Variants in PNPLA7 observed in about 807,000 individuals in gnomAD.
The protein encoded by PNPLA7 is patatin like domain 7, lysophospholipase.
PNPLA7 carries 153 observed loss-of-function variants against 161.7 expected under a neutral mutation model. The observed-to-expected ratio is 0.95, with a 90% CI of 0.83 to 1.08. The LOEUF (loss-of-function observed/expected upper bound fraction) is 1.08. Ranked by LOEUF, PNPLA7 falls within the 50% of genes least tolerant of loss-of-function variation. The pLI is 0.00. For missense variants in PNPLA7, 1,739 were observed against 1,856.6 expected (o/e 0.94, Z 1.16); for synonymous variants, 809 against 782.1 (o/e 1.03, Z -0.57).
intron 10 of PNPLA7, among the ~76,000 whole-genome samples, chr9:137,521,086 T>TGG (rs1834967190): frequency 6.7e-6 from 1 of 149,462 alleles, no homozygotes; most frequent in Admixed American, 6.6e-5. Context: ...GGGACGGGCA[T>TGG]GGGGAGGGGC....
At chr9:137,506,430 G>A (rs979236123) in intron 12 of PNPLA7, among the ~76,000 whole-genome samples, 1 of 152,204 alleles carries the variant, frequency 6.6e-6, no homozygotes, top group African/African-American at 2.4e-5. Context: ...ACACCCTGAC[G>A]GCTCGCTGCG....
chr9:137,481,427 C>G (rs183444185), intron 21 of PNPLA7, among the ~76,000 whole-genome samples: 41 of 152,338 alleles, frequency 2.7e-4, no homozygotes, highest in Non-Finnish European at 5.6e-4. Context: ...GTGCCAGACG[C>G]CAAGAGGCCA....
At chr9:137,474,084 C>T (rs1440286375) in intron 25 of PNPLA7, among the ~76,000 whole-genome samples, 1 of 152,022 alleles carries the variant, frequency 6.6e-6, no homozygotes, top group Admixed American at 6.6e-5. Context: ...ATTAAAAATA[C>T]AAAAATTAGC....
chr9:137,542,332 A>G (rs1836248953), intron 7 of PNPLA7, among the ~76,000 whole-genome samples: 1 of 152,086 alleles, frequency 6.6e-6, no homozygotes, highest in African/African-American at 2.4e-5. Context: ...TGAGCTGGGC[A>G]TGGTGACATA....
chr9:137,484,809 C>G, intron 20 of PNPLA7, 73 bp from the exon 21 acceptor site: 1 of 1,477,670 alleles, frequency 6.8e-7, no homozygotes. Flanking sequence ...CCCTGGGGCC[C>G]CCCGAGGCTG....
rs552731125 is a variant in PNPLA7 at position 137,536,168 on chromosome 9, A to G, written c.747+4474T>C. On this transcript the variant is annotated intron_variant, in intron 8 of 34. Coordinates refer to ENST00000406427, the MANE Select transcript of PNPLA7 (RefSeq NM_001098537.3). ...ACTCCATCACAAAAAAAAAAAAAAGAAAAGAAAAAGTACAACAAAAAGACA... is the reference window on the plus strand; with the variant it reads ...ACTCCATCACAAAAAAAAAAAAAAGGAAAGAAAAAGTACAACAAAAAGACA... Among the ~76,000 whole-genome samples the G allele has an allele frequency of 7.9e-5, 12 of 151,742 alleles. 1 individual carries two copies. The highest frequency in any genetic ancestry group is 2.4e-4 in the African/African-American group (10 of 41,392).
intron 8 of PNPLA7, among the ~76,000 whole-genome samples, chr9:137,530,432 C>T (rs532078411): frequency 5.9e-5 from 9 of 152,358 alleles, no homozygotes; most frequent in African/African-American, 2.2e-4. Context: ...TCTTCTGGTG[C>T]TTTTGGAGGA....
At chr9:137,484,563 G>A (rs1230852171) in intron 21 of PNPLA7, 24 bp downstream of exon 21, 4 of 1,564,190 alleles carry the variant, frequency 2.6e-6, no homozygotes, top group Middle Eastern at 1.7e-4. Context: ...AAGGATGGCT[G>A]GAGGCTGGGA....
chr9:137,479,882 A>G, intron 23 of PNPLA7: 4 of 985,450 alleles, frequency 4.1e-6, no homozygotes, highest in Non-Finnish European at 4.8e-6. Context: ...GAGGATGCAG[A>G]GGCAGAGGGT....
In PNPLA7 at chr9:137,541,321, G is replaced by T; in HGVS notation, c.667-599C>A. On this transcript the variant is annotated intron_variant, in intron 7 of 34. Coordinates refer to ENST00000406427, the MANE Select transcript of PNPLA7 (RefSeq NM_001098537.3). The surrounding 1 kb of genome is among the most constrained non-coding windows in gnomAD (Gnocchi z 4.4). ...CGAAAGCCGCTGCTTCACCAGCTGG[G>T]CGGCCTCATCCCCAGGAGCTACTGG... The T allele has an allele frequency of 1.6e-6, 1 of 615,654 alleles. No individual in the cohort carries two copies. The highest frequency in any genetic ancestry group is 2.0e-6 in the Non-Finnish European group (1 of 492,066). The allele number at this position is 615,654 out of a possible 1,614,324, so 38.1% of individuals were successfully genotyped here.
intron 20 of PNPLA7, 122 bp downstream of exon 20, chr9:137,492,891 G>C: frequency 1.2e-6 from 1 of 811,852 alleles, no homozygotes; most frequent in Non-Finnish European, 2.0e-6. Context: ...GGACTGGGTG[G>C]GCAGGGCTCC....
At chr9:137,477,186 C>G (rs1409178011) in intron 25 of PNPLA7, among the ~76,000 whole-genome samples, 3 of 152,236 alleles carry the variant, frequency 2.0e-5, no homozygotes. Context: ...AGCAGAGGGG[C>G]ACATGCCTGT....
intron 9 of PNPLA7, among the ~76,000 whole-genome samples, chr9:137,522,127 T>G (rs139090762): frequency 1.2e-4 from 19 of 152,302 alleles, no homozygotes; most frequent in Admixed American, 9.8e-4. Context: ...CAGGCTGGAG[T>G]GCAGTGGCAC....
Position 137,543,805 on chromosome 9 carries a change from AGT to A in PNPLA7, c.282_283del (p.Leu95ProfsTer56). 6.2e-7 allele frequency: 1 copy of A among 1,613,498 alleles called. No homozygotes were observed. The highest frequency in any genetic ancestry group is 8.5e-7 in the Non-Finnish European group (1 of 1,179,884). ...AGTGTTCTCCACAAGGGTGTTGGGG[AGT>A]GTGGTCACCTGCAGAGCCAAGGGAG... On this transcript the variant is annotated frameshift_variant, in exon 5 of 35. Transcript: ENST00000406427. LOFTEE classifies it high-confidence loss of function. This position sits in a 1 kb window ranked among gnomAD's most constrained non-coding sequence, Gnocchi z 6.9.
At chr9:137,493,224 C>T in intron 19 of PNPLA7, 142 bp from the exon 20 acceptor site, 1 of 846,856 alleles carries the variant, frequency 1.2e-6, no homozygotes, top group Non-Finnish European at 1.9e-6. Flanking sequence ...CTGAGTTGCA[C>T]ATGACTCACA....
At chr9:137,546,156 T>C (rs1836511353) in intron 4 of PNPLA7, among the ~76,000 whole-genome samples, 1 of 152,166 alleles carries the variant, frequency 6.6e-6, no homozygotes, top group African/African-American at 2.4e-5. Context: ...TAAAAGTCTC[T>C]GATATGCAGA....
rs143609569 is a variant in PNPLA7, at chr9:137,467,758, C to A, written c.2883-285G>T. Reference sequence around the variant, plus strand: ...ACTAAAAATACTAAAATTAGCCAGGCGTGGTGGTGCGCGCCTGTAATCCCA... The same window carrying A: ...ACTAAAAATACTAAAATTAGCCAGGAGTGGTGGTGCGCGCCTGTAATCCCA... On this transcript the variant is annotated intron_variant, in intron 25 of 34. Transcript: ENST00000406427. This position sits in a 1 kb window ranked among gnomAD's most constrained non-coding sequence, Gnocchi z 5.1. 1.7e-4 allele frequency among the ~76,000 whole-genome samples: 26 copies of A among 152,232 alleles called. No homozygotes were observed. The highest frequency in any genetic ancestry group is 6.0e-4 in the African/African-American group (25 of 41,528).
intron 4 of PNPLA7, among the ~76,000 whole-genome samples, chr9:137,546,024 G>A (rs935491783): frequency 6.6e-6 from 1 of 152,098 alleles, no homozygotes; most frequent in Non-Finnish European, 1.5e-5. Flanking sequence ...CAGTTATCCG[G>A]AGGCCTAACC....
intron 20 of PNPLA7, among the ~76,000 whole-genome samples, chr9:137,488,971 T>C (rs1409012625): frequency 3.0e-5 from 3 of 99,324 alleles, no homozygotes; most frequent in African/African-American, 8.1e-5. Context: ...CCCAACTGTG[T>C]ACCCCCTAAC....
Sources: allele counts gnomAD v4.1 joint callset (sites outside exome capture counted in the v4.1 genomes callset), GRCh38; gene constraint gnomAD v4.1.1; non-coding constraint Gnocchi (gnomAD v3.1); transcripts MANE v1.5; gene names NCBI Gene and HGNC (gene_info 2026-07-23, HGNC 2026-07-21).